The following NAA11 variants were observed in gnomAD, a reference collection of about 807,000 sequenced individuals.
NAA11 encodes the protein N-alpha-acetyltransferase 11.
Under a neutral mutation model 16.1 loss-of-function variants are expected in NAA11, and 15 were observed. That is an observed-to-expected ratio of 0.93 (90% CI 0.62 to 1.44). The LOEUF (loss-of-function observed/expected upper bound fraction) is 1.44. Ranked by LOEUF, NAA11 falls within the 40% of genes most tolerant of loss-of-function variation. The pLI is 0.00. For synonymous variants in NAA11, 122 were observed against 112.4 expected, an observed-to-expected ratio of 1.09 and a Z score of -0.54; for missense variants, 298 against 291.3, an observed-to-expected ratio of 1.02 and a Z score of -0.17.
At chr4:79,232,694 G>A (rs1192224278) in intron 2 of NAA11, among the ~76,000 whole-genome samples, 1 of 151,914 alleles carries the variant, frequency 6.6e-6, no homozygotes, top group African/African-American at 2.4e-5. Context: ...TTGTTCATGA[G>A]GGATAACATC....
chr4:79,172,479 C>T, the NAA11 span, among the ~76,000 whole-genome samples: 1 of 152,070 alleles, frequency 6.6e-6, no homozygotes, highest in African/African-American at 2.4e-5. Flanking sequence ...TGCCAGGCAG[C>T]TATTTATTTT....
intron 1 of NAA11, among the ~76,000 whole-genome samples, chr4:79,298,326 A>G (rs558266933): frequency 6.6e-6 from 1 of 152,302 alleles, no homozygotes; most frequent in East Asian, 1.9e-4. Flanking sequence ...AGTAACACGA[A>G]CAGGCCTGAA....
the NAA11 span, among the ~76,000 whole-genome samples, chr4:79,187,078 C>T: frequency 6.6e-6 from 1 of 152,158 alleles, no homozygotes; most frequent in Admixed American, 6.5e-5. Flanking sequence ...ACATTTTAAT[C>T]TTCCAAGACT....
chr4:79,182,469 A>G, the NAA11 span, among the ~76,000 whole-genome samples: 1 of 152,224 alleles, frequency 6.6e-6, no homozygotes, highest in Non-Finnish European at 1.5e-5. Context: ...CTTTCAATTT[A>G]TGGTGACATT....
chr4:79,188,352 G>T, the NAA11 span, among the ~76,000 whole-genome samples: 1 of 152,152 alleles, frequency 6.6e-6, no homozygotes, highest in Non-Finnish European at 1.5e-5. Flanking sequence ...TTGGGAGGCC[G>T]AGGCGGGTGG....
intron 1 of NAA11, chr4:79,299,205 A>G (rs1242908200): frequency 5.3e-5 from 8 of 152,178 alleles, no homozygotes; most frequent in Admixed American, 5.2e-4. Flanking sequence ...TCCTGCAATG[A>G]TTTTATTTAC....
the NAA11 span, among the ~76,000 whole-genome samples, chr4:79,215,418 A>C: frequency 6.6e-6 from 1 of 152,188 alleles, no homozygotes; most frequent in Non-Finnish European, 1.5e-5. Flanking sequence ...CAGAACAGCC[A>C]AGGCTCTATT....
chr4:79,241,833 A>G (rs1239577577), intron 2 of NAA11, among the ~76,000 whole-genome samples: 1 of 152,266 alleles, frequency 6.6e-6, no homozygotes, highest in Non-Finnish European at 1.5e-5. Context: ...TGTGTTAGAA[A>G]GGTGCATATG....
chr4:79,194,804 T>A, the NAA11 span, among the ~76,000 whole-genome samples: 1 of 152,142 alleles, frequency 6.6e-6, no homozygotes, highest in African/African-American at 2.4e-5. Flanking sequence ...CTAACACTTA[T>A]TACAACCCTT....
At chr4:79,200,982 T>C in the NAA11 span, among the ~76,000 whole-genome samples, 1 of 151,710 alleles carries the variant, frequency 6.6e-6, no homozygotes, top group Non-Finnish European at 1.5e-5. Flanking sequence ...TGTATGTATA[T>C]ACAATTTTAT....
chr4:79,313,106 A>G (rs573921754), downstream of NAA11, among the ~76,000 whole-genome samples: 150 of 152,324 alleles, frequency 9.8e-4, no homozygotes, highest in Admixed American at 2.7e-3. Context: ...TTGATAATAC[A>G]TTCTCTGAAA....
At chr4:79,210,045 G>GA in the NAA11 span, among the ~76,000 whole-genome samples, 8 of 151,688 alleles carry the variant, frequency 5.3e-5, no homozygotes, top group African/African-American at 1.7e-4. Context: ...GACTTGTTCT[G>GA]AAAAAAAATA....
intron 2 of NAA11, chr4:79,227,569 G>A (rs1721347708): frequency 1.3e-5 from 2 of 152,026 alleles, no homozygotes; most frequent in African/African-American, 4.8e-5. Context: ...AGAAGAGGAT[G>A]TTGCATGAAG....
chr4:79,303,076 TTATATATATATATATATATATATATATA>T lies in NAA11; in HGVS notation c.*13-8990_*13-8963del, dbSNP rs59261096. The stretch of plus-strand genomic sequence containing the variant: ...TTCATTCCTGTTCTCTTGAGGCCTT[TTATATATATATATATATATATATATATA>T]TATATATATATATATATACCTCCCA... On this transcript the variant is annotated intron_variant and NMD_transcript_variant, in intron 1 of 2. Coordinates refer to the NAA11 transcript ENST00000511542. Among the ~76,000 whole-genome samples the T allele has an allele frequency of 1.8e-3, 124 of 67,532 alleles. 3 individuals are homozygous for T. Among genetic ancestry groups the T allele is most frequent in the African/African-American group, 5.4e-3 (91 of 16,910 alleles). 44.3% of individuals were successfully genotyped at this position (67,532 alleles called of 152,430 possible).
chr4:79,277,947 A>G (rs998947710), intron 2 of NAA11, among the ~76,000 whole-genome samples: 3 of 152,044 alleles, frequency 2.0e-5, no homozygotes, highest in Admixed American at 6.6e-5. Context: ...ATTAAAAAAA[A>G]AAGAAGAAGA....
At chr4:79,186,890 G>T in the NAA11 span, among the ~76,000 whole-genome samples, 2 of 152,052 alleles carry the variant, frequency 1.3e-5, no homozygotes, top group South Asian at 2.1e-4. Flanking sequence ...TGAGAAGCAC[G>T]ATGAACACAG....
chr4:79,163,822 T>C, the NAA11 span, among the ~76,000 whole-genome samples: 3 of 152,160 alleles, frequency 2.0e-5, no homozygotes, highest in African/African-American at 7.2e-5. Flanking sequence ...GATTACCCTA[T>C]TTGTTATATT....
At chr4:79,233,334 T>G (rs963957250) in intron 2 of NAA11, among the ~76,000 whole-genome samples, 4 of 152,022 alleles carry the variant, frequency 2.6e-5, no homozygotes, top group Non-Finnish European at 5.9e-5. Context: ...TCTACTAATT[T>G]AGCTATGTGA....
chr4:79,232,584 C>T (rs555199269), intron 2 of NAA11, among the ~76,000 whole-genome samples: 20 of 152,070 alleles, frequency 1.3e-4, no homozygotes, highest in Admixed American at 3.3e-4. Flanking sequence ...CAATCAAGTT[C>T]TCTATCCACT....
Sources: allele counts gnomAD v4.1 joint callset (sites outside exome capture counted in the v4.1 genomes callset), GRCh38; gene constraint gnomAD v4.1.1; transcripts MANE v1.5; gene names NCBI Gene and HGNC (gene_info 2026-07-23, HGNC 2026-07-21).